Variants in KCNIP4 observed in about 807,000 individuals in gnomAD.
The protein encoded by KCNIP4 is Kv channel-interacting protein 4.
In KCNIP4, 12 loss-of-function variants were observed where a neutral mutation model predicts 34.0. The observed-to-expected ratio is 0.35, with a 90% CI of 0.23 to 0.57. The LOEUF (loss-of-function observed/expected upper bound fraction) is 0.57. Among genes scored for constraint, KCNIP4 ranks in the 20% least tolerant of loss-of-function variants. The pLI is 0.83. For synonymous variants in KCNIP4, 124 were observed against 102.2 expected, an observed-to-expected ratio of 1.21 and a Z score of -1.29; for missense variants, 238 against 311.7, an observed-to-expected ratio of 0.76 and a Z score of 1.78.
intron 1 of KCNIP4, among the ~76,000 whole-genome samples, chr4:21,798,292 C>T (rs1720751407): frequency 6.6e-6 from 1 of 150,904 alleles, no homozygotes; most frequent in Non-Finnish European, 1.5e-5. Context: ...TGGTTCACGC[C>T]TGTAATTTCA....
At chr4:21,943,271 G>T (rs1730303334) in intron 1 of KCNIP4, among the ~76,000 whole-genome samples, 1 of 152,196 alleles carries the variant, frequency 6.6e-6, no homozygotes, top group Non-Finnish European at 1.5e-5. Context: ...ATTATTTGGG[G>T]AGGAGTCAGG....
chr4:20,888,901 T>C (rs1243606006), intron 1 of KCNIP4, among the ~76,000 whole-genome samples: 2 of 152,150 alleles, frequency 1.3e-5, no homozygotes, highest in Non-Finnish European at 2.9e-5. Flanking sequence ...ATGCCTGGTT[T>C]GTAAATGAAC....
intron 1 of KCNIP4, among the ~76,000 whole-genome samples, chr4:21,458,083 G>T (rs551116168): frequency 6.6e-6 from 1 of 150,936 alleles, no homozygotes; most frequent in African/African-American, 2.4e-5. Flanking sequence ...ATGCTGGTGC[G>T]CTGCACCCAC....
At chr4:21,398,546 A>C (rs1723204592) in intron 1 of KCNIP4, among the ~76,000 whole-genome samples, 1 of 152,262 alleles carries the variant, frequency 6.6e-6, no homozygotes, top group East Asian at 1.9e-4. Flanking sequence ...ATTAAGCAAT[A>C]ATTTTAATGC....
rs112345585 is a variant in KCNIP4 at position 21,699,695 on chromosome 4, G to A, written c.61+248876C>T. 4.3e-3 allele frequency among the ~76,000 whole-genome samples: 662 copies of A among 152,260 alleles called. 7 individuals are homozygous for A. Among genetic ancestry groups the A allele is most frequent in the African/African-American group, 0.015 (632 of 41,548 alleles). On this transcript the variant is annotated intron_variant, in intron 1 of 8. Transcript: ENST00000382152. ...GGGTGTGGCTGCTGAAACATGCTGA[G>A]CCAGGAGAGACTTCTGGGAGACATT... is the stretch of plus-strand genomic sequence containing the variant.
At chr4:21,669,632 CT>C (rs59360416) in intron 1 of KCNIP4, among the ~76,000 whole-genome samples, 46,146 of 151,850 alleles carry the variant, frequency 0.3, 8,355 homozygotes, top group East Asian at 0.75. Flanking sequence ...AGTCAACTGT[CT>C]TTTTTAAATT....
chr4:21,863,059 T>G (rs1725188366), intron 1 of KCNIP4, among the ~76,000 whole-genome samples: 1 of 152,010 alleles, frequency 6.6e-6, no homozygotes. Context: ...ACCAGTTTCA[T>G]CATCATCGCC....
chr4:21,785,036 A>G (rs933243620), intron 1 of KCNIP4, among the ~76,000 whole-genome samples: 5 of 152,200 alleles, frequency 3.3e-5, no homozygotes, highest in African/African-American at 1.2e-4. Context: ...CCTTGCAGTC[A>G]ATAGCTGGTT....
chr4:21,219,261 AC>A (rs1332474057), intron 1 of KCNIP4, among the ~76,000 whole-genome samples: 2 of 152,096 alleles, frequency 1.3e-5, no homozygotes, highest in Non-Finnish European at 2.9e-5. Flanking sequence ...TGTTCTGTCC[AC>A]CACAGGGATA....
At chr4:21,302,234 GGA>G (rs926391232) in intron 1 of KCNIP4, among the ~76,000 whole-genome samples, 1 of 152,140 alleles carries the variant, frequency 6.6e-6, no homozygotes, top group Admixed American at 6.5e-5. Context: ...TTCTCATTTG[GGA>G]GAGGGAATAT....
intron 1 of KCNIP4, among the ~76,000 whole-genome samples, chr4:21,390,245 T>C (rs1722442597): frequency 6.6e-6 from 1 of 152,200 alleles, no homozygotes; most frequent in Non-Finnish European, 1.5e-5. Flanking sequence ...TCTCCCATTC[T>C]ATAGGTTGCC....
At chr4:21,466,105 C>A (rs758137718) in intron 1 of KCNIP4, among the ~76,000 whole-genome samples, 4 of 152,172 alleles carry the variant, frequency 2.6e-5, no homozygotes, top group African/African-American at 9.6e-5. Flanking sequence ...CTACCCACTA[C>A]CCCTAGAGAT....
Position 20,729,950 on chromosome 4 carries a change from T to TAAAAC in KCNIP4, c.*127_*131dup. The TAAAAC allele has an allele frequency of 9.1e-7, 1 of 1,102,402 alleles. No individual in the cohort carries two copies. Among genetic ancestry groups the TAAAAC allele is most frequent in the Non-Finnish European group, 1.2e-6 (1 of 812,496 alleles). 68.3% of individuals were successfully genotyped at this position (1,102,402 alleles called of 1,614,324 possible). On this transcript the variant is annotated 3_prime_UTR_variant, in exon 9 of 9. Coordinates refer to ENST00000382152, the MANE Select transcript of KCNIP4 (RefSeq NM_025221.6). ...AAATCTTTTGGGGATTGCTTTATAT[T>TAAAAC]AAAACAAAGCTTGTTTGCATAATAT...
Position 21,327,722 on chromosome 4 carries a change from C to T in KCNIP4, c.62-445013G>A, listed in dbSNP as rs1715232793. Among the ~76,000 whole-genome samples the T allele has an allele frequency of 3.9e-5, 6 of 151,910 alleles. 1 individual carries two copies. The highest frequency in any genetic ancestry group is 3.9e-4 in the Admixed American group (6 of 15,234). Reference sequence around the variant, plus strand: ...CTATTTTCCAGATCACGTAGGCATCCTTTGTTCTTTTTTAATTCTTTCTGA... The same window carrying T: ...CTATTTTCCAGATCACGTAGGCATCTTTTGTTCTTTTTTAATTCTTTCTGA... On this transcript the variant is annotated intron_variant, in intron 1 of 8. Coordinates refer to ENST00000382152, the MANE Select transcript of KCNIP4 (RefSeq NM_025221.6).
chr4:21,654,290 T>C (rs1747744083), intron 1 of KCNIP4, among the ~76,000 whole-genome samples: 1 of 152,224 alleles, frequency 6.6e-6, no homozygotes, highest in African/African-American at 2.4e-5. Flanking sequence ...GCTGACCATT[T>C]ACTTTTGCAA....
chr4:20,840,934 C>G (rs956619073), intron 3 of KCNIP4, among the ~76,000 whole-genome samples: 65 of 152,276 alleles, frequency 4.3e-4, no homozygotes, highest in African/African-American at 1.4e-3. Flanking sequence ...TGGGCAAACA[C>G]AGGACACGAA....
intron 1 of KCNIP4, among the ~76,000 whole-genome samples, chr4:21,585,008 C>A (rs543412391): frequency 6.6e-6 from 1 of 152,204 alleles, no homozygotes; most frequent in African/African-American, 2.4e-5. Context: ...GCAAAAATAG[C>A]AGTTGAACAA....
At chr4:20,906,794 T>C (rs770852299) in intron 1 of KCNIP4, among the ~76,000 whole-genome samples, 3 of 152,206 alleles carry the variant, frequency 2.0e-5, no homozygotes, top group Non-Finnish European at 4.4e-5. Flanking sequence ...CCATTGCATA[T>C]TGTAGTGAGA....
chr4:21,313,635 AATT>A (rs1445820522), intron 1 of KCNIP4, among the ~76,000 whole-genome samples: 1 of 152,220 alleles, frequency 6.6e-6, no homozygotes, highest in Non-Finnish European at 1.5e-5. Context: ...TGAAAAGAAA[AATT>A]ATCCTCAATG....
Sources: allele counts gnomAD v4.1 joint callset (sites outside exome capture counted in the v4.1 genomes callset), GRCh38; gene constraint gnomAD v4.1.1; transcripts MANE v1.5; gene names NCBI Gene and HGNC (gene_info 2026-07-23, HGNC 2026-07-21).